Variants in NCKAP5L observed in about 807,000 individuals in gnomAD.
The protein encoded by NCKAP5L is NCK associated protein 5 like.
A neutral mutation model predicts 103.2 loss-of-function variants in NCKAP5L; 54 were observed. That is an observed-to-expected ratio of 0.52 (90% CI 0.42 to 0.66). The LOEUF (loss-of-function observed/expected upper bound fraction) is 0.66, where lower values mean the gene tolerates loss of function less well. NCKAP5L is among the 30% of genes least tolerant of loss of function. NCKAP5L has a pLI of 0.00. For missense variants in NCKAP5L, 1,733 were observed against 1,750.6 expected (o/e 0.99, Z 0.18); for synonymous variants, 762 against 748.6 (o/e 1.02, Z -0.29).
chr12:49,797,416 TGAG>T lies in NCKAP5L; in HGVS notation c.466-25_466-23del. The T allele has an allele frequency of 6.5e-7, 1 of 1,541,534 alleles. No homozygotes were observed. The highest frequency in any genetic ancestry group is 8.8e-7 in the Non-Finnish European group (1 of 1,132,702). On this transcript the variant is annotated intron_variant, in intron 7 of 12. Coordinates refer to ENST00000335999, the MANE Select transcript of NCKAP5L (RefSeq NM_001037806.4). The surrounding 1 kb of genome is among the most constrained non-coding windows in gnomAD (Gnocchi z 4.5). ...ATACCTTAGGGGAGAGATGATGGCATGAGGAGGAGACCACACACAGCTGGGATC... is the reference window on the plus strand; with the variant it reads ...ATACCTTAGGGGAGAGATGATGGCATGAGGAGACCACACACAGCTGGGATC...
chr12:49,820,946 CCT>C, intron 1 of NCKAP5L, among the ~76,000 whole-genome samples: 2 of 152,270 alleles, frequency 1.3e-5, no homozygotes, highest in East Asian at 3.9e-4. Flanking sequence ...GGGGGTGAGC[CCT>C]CTGACTCTGA....
chr12:49,813,856 G>A (rs1158667533), intron 1 of NCKAP5L, among the ~76,000 whole-genome samples: 5 of 151,902 alleles, frequency 3.3e-5, no homozygotes. Context: ...GACAAGATCT[G>A]GCTCTATCAC....
Position 49,796,434 on chromosome 12 carries a change from G to T in NCKAP5L, c.1426C>A (p.Leu476Ile). The T allele has an allele frequency of 6.4e-7, 1 of 1,550,526 alleles. No homozygotes were observed. ...GAGTTCCGGGGGAGCTGGGGACTGAGCTGCGGGCCTCCTGGGCTGGGGCTC... is the reference window on the plus strand; with the variant it reads ...GAGTTCCGGGGGAGCTGGGGACTGATCTGCGGGCCTCCTGGGCTGGGGCTC... ...EKSPSPGGPQ[L>I]SPQLPRNSRI... The change falls in exon 8 of 13, where the codon CTC (leucine) becomes ATC (isoleucine). Residue 476 changes from leucine to isoleucine, a missense_variant. Transcript: ENST00000335999.
At chr12:49,815,411 T>C (rs1270021132) in intron 1 of NCKAP5L, among the ~76,000 whole-genome samples, 1 of 152,280 alleles carries the variant, frequency 6.6e-6, no homozygotes, top group Non-Finnish European at 1.5e-5. Flanking sequence ...ATATTTATTT[T>C]AATCTTTGGG....
At chr12:49,813,222 C>CA (rs1946260379) in intron 1 of NCKAP5L, among the ~76,000 whole-genome samples, 1 of 152,152 alleles carries the variant, frequency 6.6e-6, no homozygotes, top group Non-Finnish European at 1.5e-5. Context: ...GAGGAACTGT[C>CA]AGATTGTTGT....
intron 1 of NCKAP5L, among the ~76,000 whole-genome samples, chr12:49,826,954 A>G (rs1946423190): frequency 2.0e-5 from 3 of 152,178 alleles, no homozygotes; most frequent in Non-Finnish European, 2.9e-5. Flanking sequence ...AAGCTTGAAC[A>G]TGGGAATATC....
chr12:49,819,154 T>C (rs1412620061), intron 1 of NCKAP5L, among the ~76,000 whole-genome samples: 1 of 150,788 alleles, frequency 6.6e-6, no homozygotes, highest in Non-Finnish European at 1.5e-5. Flanking sequence ...CTATTAAAAC[T>C]ACAAAAAATT....
In NCKAP5L at chr12:49,812,026, G is replaced by A. The variant is rs557099091; in HGVS notation, c.-98-5985C>T. ...AGACCTCTGTGACCACTTCCTCCTG[G>A]ACTTTTTTTTAAGCTTTGAGACAGT... On this transcript the variant is annotated intron_variant, in intron 1 of 12. Coordinates refer to ENST00000335999, the MANE Select transcript of NCKAP5L (RefSeq NM_001037806.4). Among the ~76,000 whole-genome samples, 4 of 152,110 alleles carry A rather than the reference G, an allele frequency of 2.6e-5. No individual in the cohort carries two copies. In the East Asian group the frequency reaches 7.7e-4, roughly 29 times the overall value.
chr12:49,826,362 C>G (rs1026771756), intron 1 of NCKAP5L, among the ~76,000 whole-genome samples: 32 of 152,272 alleles, frequency 2.1e-4, no homozygotes, highest in Non-Finnish European at 2.6e-4. Flanking sequence ...GATGTCTCAC[C>G]ACAGGCGTGA....
In NCKAP5L at chr12:49,792,755, C is replaced by T. The variant is rs1362777911; in HGVS notation, c.3572G>A (p.Arg1191Gln). 30 of 1,608,668 alleles carry T rather than the reference C, an allele frequency of 1.9e-5. No individual in the cohort carries two copies. Among genetic ancestry groups the T allele is most frequent in the Admixed American group, 3.4e-5 (2 of 59,558 alleles). The change falls in exon 11 of 13, where the codon CGG (arginine) becomes CAG (glutamine). Residue 1191 changes from arginine (R) to glutamine (Q), a missense_variant. Arg to Gln is a conservative substitution (Grantham distance 43). Transcript: ENST00000335999. The surrounding 1 kb of genome is among the most constrained non-coding windows in gnomAD (Gnocchi z 4.5). ...AGGGAAGGCTGGCATGCTGGGGTGC[C>T]GCCCACTCACCAGCAGCTCCTCTAT... ...PGIEELLVSG[R>Q]HPSMPAFPAL...
At chr12:49,813,025 T>C (rs1045219945) in intron 1 of NCKAP5L, among the ~76,000 whole-genome samples, 1 of 152,232 alleles carries the variant, frequency 6.6e-6, no homozygotes, top group Non-Finnish European at 1.5e-5. Context: ...ATTATTGTAT[T>C]ATTTTTATTT....
chr12:49,795,439 G>T lies in NCKAP5L; in HGVS notation c.2421C>A (p.Pro807=). 6.3e-7 allele frequency: 1 copy of T among 1,579,738 alleles called. No individual in the cohort carries two copies. The highest frequency in any genetic ancestry group is 8.6e-7 in the Non-Finnish European group (1 of 1,166,746). The change falls in exon 8 of 13, where the codon CCC becomes CCA. Residue 807 remains proline, a synonymous_variant. Coordinates refer to ENST00000335999, the MANE Select transcript of NCKAP5L (RefSeq NM_001037806.4). ...TGGGGCTGCTGTGAGGGCTCTTATTGGGCTTGCCCAGGCTTGGGGCTGAGG... is the reference window on the plus strand; with the variant it reads ...TGGGGCTGCTGTGAGGGCTCTTATTTGGCTTGCCCAGGCTTGGGGCTGAGG... ...VPTSAPSLGK[P]NKSPHSSPTK... is the part of the protein sequence containing the mutation.
intron 7 of NCKAP5L, 83 bp downstream of exon 7, chr12:49,798,267 C>CT: frequency 7.8e-7 from 1 of 1,278,692 alleles, no homozygotes. Context: ...GGACAAACGT[C>CT]TGAGCACTGG....
intron 1 of NCKAP5L, among the ~76,000 whole-genome samples, chr12:49,821,967 T>TCC (rs1946365797): frequency 6.6e-6 from 1 of 152,066 alleles, no homozygotes; most frequent in African/African-American, 2.4e-5. Flanking sequence ...AATGTTTGTA[T>TCC]CCCCCCAAAT....
At chr12:49,809,016 C>T (rs935343488) in intron 1 of NCKAP5L, among the ~76,000 whole-genome samples, 1 of 151,950 alleles carries the variant, frequency 6.6e-6, no homozygotes, top group African/African-American at 2.4e-5. Context: ...GAGCGGAGTC[C>T]TCTCTGGCTC....
chr12:49,823,910 G>A (rs112123031), intron 1 of NCKAP5L, among the ~76,000 whole-genome samples: 1 of 152,334 alleles, frequency 6.6e-6, no homozygotes, highest in Non-Finnish European at 1.5e-5. Context: ...AACACTGGCT[G>A]GGAAACTGAG....
chr12:49,802,823 GA>G, intron 5 of NCKAP5L, 134 bp downstream of exon 5: 1 of 1,058,642 alleles, frequency 9.4e-7, no homozygotes, highest in Non-Finnish European at 1.4e-6. Flanking sequence ...AGGTAGAACA[GA>G]ATGGACCCGC....
At position 49,801,162 on chromosome 12, in the gene NCKAP5L, C is replaced by T. The variant is rs116067672; in HGVS notation, c.351+686G>A. Among the ~76,000 whole-genome samples the T allele has an allele frequency of 8.0e-3, 1,225 of 152,292 alleles. 14 individuals are homozygous for T. The highest frequency in any genetic ancestry group is 0.028 in the African/African-American group (1,166 of 41,542). ...AGACAGACACAAACACGCACACCCC[C>T]CTCCCCCATACACACACACAGAAAA... On this transcript the variant is annotated intron_variant, in intron 6 of 12. Coordinates refer to ENST00000335999, the MANE Select transcript of NCKAP5L (RefSeq NM_001037806.4).
chr12:49,823,158 G>A (rs1326399667), intron 1 of NCKAP5L, among the ~76,000 whole-genome samples: 2 of 152,074 alleles, frequency 1.3e-5, no homozygotes. Context: ...AGTTGGTCAG[G>A]GGCACTTCCA....
Sources: allele counts gnomAD v4.1 joint callset (sites outside exome capture counted in the v4.1 genomes callset), GRCh38; gene constraint gnomAD v4.1.1; non-coding constraint Gnocchi (gnomAD v3.1); transcripts MANE v1.5; gene names NCBI Gene and HGNC (gene_info 2026-07-23, HGNC 2026-07-21).